The following ZSCAN5A variants were observed in gnomAD, a reference collection of about 807,000 sequenced individuals.
ZSCAN5A encodes the protein zinc finger and SCAN domain-containing protein 5A.
A neutral mutation model predicts 23.7 loss-of-function variants in ZSCAN5A; 12 were observed. The observed-to-expected ratio is 0.51, with a 90% confidence interval of 0.32 to 0.82. ZSCAN5A has a LOEUF of 0.82. Among genes scored for constraint, ZSCAN5A ranks in the 40% least tolerant of loss-of-function variants. The pLI, the probability that ZSCAN5A is intolerant of heterozygous loss-of-function variation, is 0.03. For synonymous variants in ZSCAN5A, 257 were observed against 239.9 expected, an observed-to-expected ratio of 1.07 and a Z score of -0.66; for missense variants, 597 against 617.9, an observed-to-expected ratio of 0.97 and a Z score of 0.36.
chr19:56,298,507 G>C (rs577098764), intron 2 of ZSCAN5A, among the ~76,000 whole-genome samples: 192 of 151,902 alleles, frequency 1.3e-3, no homozygotes, highest in African/African-American at 4.4e-3. Context: ...AAAAAAATTA[G>C]CCAGGCGTGG....
intron 2 of ZSCAN5A, among the ~76,000 whole-genome samples, chr19:56,349,332 C>T (rs767096251): frequency 6.6e-6 from 1 of 152,096 alleles, no homozygotes; most frequent in African/African-American, 2.4e-5. Context: ...CACGATCAAG[C>T]CAAAGCCTGC....
chr19:56,255,768 G>C (rs1474940101), intron 2 of ZSCAN5A, among the ~76,000 whole-genome samples: 1 of 152,082 alleles, frequency 6.6e-6, no homozygotes, highest in East Asian at 1.9e-4. Context: ...GTTTTAATGA[G>C]TCCCAAAGCA....
rs146091512 is a variant in ZSCAN5A, at chr19:56,222,221, G to A, written c.845C>T (p.Ser282Leu). The part of the protein sequence containing the change: ...PSACVVEREA[S>L]THSGNRGDAL... ...GTCTCCTCTGTTCCCGCTGTGAGTC[G>A]AAGCTTCTCTCTCCACAACGCAGGC... Residue 282 changes from serine to leucine, a missense_variant, in exon 6 of 6, where the codon TCG becomes TTG. Ser to Leu is a moderately radical substitution (Grantham distance 145). Coordinates refer to ENST00000683990, the MANE Select transcript of ZSCAN5A (RefSeq NM_001322064.3). The A allele has an allele frequency of 1.1e-3, 1,837 of 1,613,024 alleles. 15 individuals carry two copies. The highest frequency in any genetic ancestry group is 7.0e-3 in the South Asian group (636 of 91,076).
At chr19:56,341,702 C>CAAAAAAAAAAAAAAAAAAAAAAAAAAA (rs1175628460) in intron 2 of ZSCAN5A, among the ~76,000 whole-genome samples, 1 of 53,784 alleles carries the variant, frequency 1.9e-5, no homozygotes, top group Non-Finnish European at 3.5e-5. Flanking sequence ...TACCAAAAGG[C>CAAAAAAAAAAAAAAAAAAAAAAAAAAA]AAAAAAAAAA....
chr19:56,260,925 T>C (rs749527430), intron 2 of ZSCAN5A, among the ~76,000 whole-genome samples: 3 of 152,072 alleles, frequency 2.0e-5, no homozygotes, highest in Admixed American at 6.6e-5. Context: ...ATGGAAAATG[T>C]GGCTGGGCGT....
At chr19:56,274,306 T>C (rs1446222545) in intron 2 of ZSCAN5A, among the ~76,000 whole-genome samples, 1 of 151,868 alleles carries the variant, frequency 6.6e-6, no homozygotes, top group Non-Finnish European at 1.5e-5. Flanking sequence ...ATACAAAAAT[T>C]ATCCAGGCAT....
chr19:56,248,514 C>CT (rs904190226), intron 2 of ZSCAN5A, among the ~76,000 whole-genome samples: 26 of 152,086 alleles, frequency 1.7e-4, no homozygotes, highest in African/African-American at 6.3e-4. Context: ...CTGCCTCGGC[C>CT]CCCCAAAGTG....
intron 4 of ZSCAN5A, 73 bp downstream of exon 4, chr19:56,223,558 G>A: frequency 6.6e-7 from 1 of 1,505,024 alleles, no homozygotes; most frequent in Non-Finnish European, 9.1e-7. Flanking sequence ...CTCTCAATCA[G>A]TCCAGCGGCC....
Position 56,221,353 on chromosome 19 carries a change from C to T in ZSCAN5A, c.*222G>A, listed in dbSNP as rs77400154. 6.3e-3 allele frequency: 3,127 copies of T among 493,802 alleles called. 18 individuals are homozygous for T. Among genetic ancestry groups the T allele is most frequent in the Non-Finnish European group, 8.4e-3 (2,436 of 290,630 alleles). 30.6% of individuals were successfully genotyped at this position (493,802 alleles called of 1,614,324 possible). On this transcript the variant is annotated 3_prime_UTR_variant, in exon 6 of 6. Transcript: ENST00000683990. ...ATCGTTTATTGGAAGAACAGCAACACAAACCAAAATAAACCTATAAGAAAA... is the reference window on the plus strand; with the variant it reads ...ATCGTTTATTGGAAGAACAGCAACATAAACCAAAATAAACCTATAAGAAAA...
At chr19:56,303,177 G>A (rs930957251) in intron 2 of ZSCAN5A, among the ~76,000 whole-genome samples, 3 of 152,068 alleles carry the variant, frequency 2.0e-5, no homozygotes, top group Non-Finnish European at 2.9e-5. Context: ...AATAAGGCAG[G>A]GTGCAAGAAA....
At chr19:56,239,737 T>C (rs905146124) in intron 2 of ZSCAN5A, among the ~76,000 whole-genome samples, 2 of 152,228 alleles carry the variant, frequency 1.3e-5, no homozygotes. Flanking sequence ...ATACTGACAT[T>C]AATATGTGAA....
At chr19:56,277,942 T>C (rs2038387915) in intron 2 of ZSCAN5A, among the ~76,000 whole-genome samples, 1 of 152,166 alleles carries the variant, frequency 6.6e-6, no homozygotes, top group African/African-American at 2.4e-5. Context: ...TAAATATACA[T>C]ACTGACATAA....
intron 2 of ZSCAN5A, among the ~76,000 whole-genome samples, chr19:56,251,508 G>C (rs1416144180): frequency 4.6e-5 from 7 of 152,084 alleles, no homozygotes; most frequent in Non-Finnish European, 8.8e-5. Context: ...TATAAAGCAG[G>C]GGCTGGCACA....
chr19:56,284,801 C>T (rs2038982588), intron 2 of ZSCAN5A, among the ~76,000 whole-genome samples: 2 of 152,162 alleles, frequency 1.3e-5, no homozygotes, highest in Admixed American at 1.3e-4. Flanking sequence ...GCCTGAGCCA[C>T]TGCGCCTGGC....
intron 2 of ZSCAN5A, among the ~76,000 whole-genome samples, chr19:56,269,350 T>G (rs1156679568): frequency 6.6e-6 from 1 of 152,182 alleles, no homozygotes; most frequent in Non-Finnish European, 1.5e-5. Context: ...ATTGTTGCTA[T>G]CATTAATAGG....
At chr19:56,342,197 GGTTT>G (rs1481373472) in intron 2 of ZSCAN5A, among the ~76,000 whole-genome samples, 10 of 151,378 alleles carry the variant, frequency 6.6e-5, no homozygotes, top group Non-Finnish European at 1.5e-5. Context: ...TGGATTTTCT[GGTTT>G]GTTCTAAATA....
chr19:56,240,268 T>C (rs2035326441), intron 2 of ZSCAN5A, among the ~76,000 whole-genome samples: 1 of 151,694 alleles, frequency 6.6e-6, no homozygotes, highest in Non-Finnish European at 1.5e-5. Flanking sequence ...TGACAAATAA[T>C]TCAGTAGAGT....
intron 2 of ZSCAN5A, among the ~76,000 whole-genome samples, chr19:56,290,813 C>T (rs929590368): frequency 7.2e-5 from 11 of 152,208 alleles, no homozygotes; most frequent in Non-Finnish European, 1.5e-4. Flanking sequence ...ACTGACTCCC[C>T]GAATGCTGGT....
intron 2 of ZSCAN5A, among the ~76,000 whole-genome samples, chr19:56,239,410 T>A (rs1246301107): frequency 1.3e-5 from 2 of 152,234 alleles, no homozygotes; most frequent in Admixed American, 6.5e-5. Context: ...CCACGCAGTA[T>A]AATTCACACC....
Sources: allele counts gnomAD v4.1 joint callset (sites outside exome capture counted in the v4.1 genomes callset), GRCh38; gene constraint gnomAD v4.1.1; transcripts MANE v1.5; gene names NCBI Gene and HGNC (gene_info 2026-07-23, HGNC 2026-07-21).